The following BCKDHA variants were observed in gnomAD, a reference collection of about 807,000 sequenced individuals.
BCKDHA encodes the protein branched chain keto acid dehydrogenase E1 subunit alpha, also known as 2-oxoisovalerate dehydrogenase subunit alpha, mitochondrial.
BCKDHA carries 43 observed loss-of-function variants against 52.2 expected under a neutral mutation model. The ratio of observed to expected loss-of-function variants is 0.82; its 90% CI spans 0.64 to 1.06. The LOEUF (loss-of-function observed/expected upper bound fraction) is 1.06. Among genes scored for constraint, BCKDHA ranks in the 50% least tolerant of loss-of-function variants. The pLI is 0.00. For missense variants in BCKDHA, 527 were observed against 621.3 expected (o/e 0.85, Z 1.61); for synonymous variants, 234 against 247.9 (o/e 0.94, Z 0.53).
intron 1 of BCKDHA, among the ~76,000 whole-genome samples, chr19:41,409,798 ATTTTTTTT>A (rs10565264): frequency 9.2e-6 from 1 of 109,156 alleles, no homozygotes; most frequent in African/African-American, 3.7e-5. Context: ...CCTCTAAGGG[ATTTTTTTT>A]TTTTTTTTTT....
At chr19:41,423,238 TG>T in intron 8 of BCKDHA, 69 bp downstream of exon 8, 1 of 1,542,226 alleles carries the variant, frequency 6.5e-7, no homozygotes, top group Non-Finnish European at 8.7e-7. Context: ...GAAGGATTTG[TG>T]GAACACCGAA....
chr19:41,421,765 C>T (rs749595036), intron 5 of BCKDHA, among the ~76,000 whole-genome samples: 7 of 152,128 alleles, frequency 4.6e-5, no homozygotes, highest in Admixed American at 1.3e-4. Flanking sequence ...ATGGAATCCG[C>T]GGGCTGCCCT....
intron 3 of BCKDHA, among the ~76,000 whole-genome samples, chr19:41,412,441 G>C (rs2123257469): frequency 8.0e-6 from 1 of 124,500 alleles, no homozygotes; most frequent in Non-Finnish European, 1.7e-5. Flanking sequence ...AGGCTGGAGT[G>C]CAATGGCACG....
intron 1 of BCKDHA, among the ~76,000 whole-genome samples, chr19:41,406,389 G>A (rs1323960388): frequency 6.6e-6 from 1 of 151,962 alleles, no homozygotes; most frequent in Non-Finnish European, 1.5e-5. Flanking sequence ...TATCTGCTGG[G>A]GCCACAGTTT....
chr19:41,419,090 C>T, intron 4 of BCKDHA, 45 bp from the exon 5 acceptor site: 7 of 1,611,650 alleles, frequency 4.3e-6, no homozygotes, highest in Middle Eastern at 1.7e-4. Context: ...TGAACTGTCC[C>T]CCTGTACTGC....
At chr19:41,420,497 G>C (rs2039352670) in intron 5 of BCKDHA, among the ~76,000 whole-genome samples, 1 of 152,180 alleles carries the variant, frequency 6.6e-6, no homozygotes. Context: ...TACTCAGGAG[G>C]CTGAAGCAGG....
intron 5 of BCKDHA, among the ~76,000 whole-genome samples, chr19:41,419,689 G>A (rs142397112): frequency 0.033 from 4,717 of 144,070 alleles, 233 homozygotes; most frequent in African/African-American, 0.11. Flanking sequence ...TGATCCACCC[G>A]CCTCAGCCTC....
Position 41,424,588 on chromosome 19 carries a change from C to T in BCKDHA, c.1318C>T (p.Leu440=), listed in dbSNP as rs1196495084. The T allele has an allele frequency of 6.2e-7, 1 of 1,609,610 alleles. No individual in the cohort carries two copies. Among genetic ancestry groups the T allele is most frequent in the African/African-American group, 1.3e-5 (1 of 74,968 alleles). ...GCAGACCTACGGGGAGCACTACCCA[C>T]TGGATCACTTCGATAAGTGAGACCT... is the stretch of plus-strand genomic sequence containing the variant. The part of the protein sequence containing the change: ...HLQTYGEHYP[L]DHFDK Residue 440 remains leucine (L), a synonymous_variant, in exon 9 of 9, where the codon CTG becomes TTG. Coordinates refer to ENST00000269980, the MANE Select transcript of BCKDHA (RefSeq NM_000709.4).
intron 4 of BCKDHA, among the ~76,000 whole-genome samples, chr19:41,415,822 G>A (rs571666465): frequency 2.0e-5 from 1 of 49,886 alleles, no homozygotes; most frequent in African/African-American, 8.9e-5. Context: ...CTAATTTTTT[G>A]TATTTTTAGT....
intron 8 of BCKDHA, 51 bp from the exon 9 acceptor site, chr19:41,424,387 G>T (rs759101151): frequency 6.2e-7 from 1 of 1,607,080 alleles, no homozygotes; most frequent in South Asian, 1.1e-5. Flanking sequence ...GAGGAAGCAG[G>T]GTCCTGCATG....
chr19:41,400,995 G>GAGC (rs771079178), intron 1 of BCKDHA, among the ~76,000 whole-genome samples: 3 of 152,132 alleles, frequency 2.0e-5, no homozygotes, highest in Non-Finnish European at 4.4e-5. Context: ...CTAGGTGACA[G>GAGC]AGCAGCCCTC....
Position 41,423,134 on chromosome 19 carries a change from C to A in BCKDHA, c.1132C>A (p.Gln378Lys). ...GAGCCAAGGCTGGTGGGATGAGGAG[C>A]AGGAGAAGGCCTGGAGGAAGCAGTC... is the stretch of plus-strand genomic sequence containing the variant. ...LLSQGWWDEE[Q>K]EKAWRKQSRR... The change falls in exon 8 of 9, where the codon CAG (glutamine) becomes AAG (lysine). Residue 378 changes from glutamine (Q) to lysine (K), a missense_variant. Coordinates refer to ENST00000269980, the MANE Select transcript of BCKDHA (RefSeq NM_000709.4). 6.4e-7 allele frequency: 1 copy of A among 1,559,020 alleles called. No homozygotes were observed. The highest frequency in any genetic ancestry group is 8.7e-7 in the Non-Finnish European group (1 of 1,151,474).
rs1568508232 is a variant in BCKDHA at position 41,422,657 on chromosome 19, G to A, written c.882G>A (p.Met294Ile). The change falls in exon 7 of 9, where the codon ATG becomes ATA. Residue 294 changes from methionine (M) to isoleucine (I), a missense_variant. Transcript: ENST00000269980. The part of the protein sequence containing the change: ...IAARGPGYGI[M>I]SIRVDGNDVF... ...CACGAGGCCCCGGGTATGGCATCAT[G>A]TCAATCCGCGTGGATGGTAATGATG... 6.2e-7 allele frequency: 1 copy of A among 1,614,018 alleles called. No individual in the cohort carries two copies. Among genetic ancestry groups the A allele is most frequent in the African/African-American group, 1.3e-5 (1 of 74,896 alleles).
At position 41,407,980 on chromosome 19, in the gene BCKDHA, G is replaced by A. The variant is rs181066914; in HGVS notation, c.109-2657G>A. On this transcript the variant is annotated intron_variant, in intron 1 of 8. Coordinates refer to ENST00000269980, the MANE Select transcript of BCKDHA (RefSeq NM_000709.4). ...TTTTTTTTTTTTTTTTTTTGAGACAGGGTCTCACTTTGTCCCCCAGGCTGG... is the reference window on the plus strand; with the variant it reads ...TTTTTTTTTTTTTTTTTTTGAGACAAGGTCTCACTTTGTCCCCCAGGCTGG... Among the ~76,000 whole-genome samples the A allele has an allele frequency of 1.5e-3, 215 of 140,368 alleles. 1 individual carries two copies. The highest frequency in any genetic ancestry group is 5.4e-3 in the African/African-American group (206 of 38,160). The allele number at this position is 140,368 out of a possible 152,430, so 92.1% of individuals were successfully genotyped here. A position where few individuals can be genotyped will look rare whatever the true frequency, so the allele number is the denominator to read the frequency against.
chr19:41,419,040 C>T, intron 4 of BCKDHA, 95 bp from the exon 5 acceptor site: 1 of 1,466,014 alleles, frequency 6.8e-7, no homozygotes, highest in Non-Finnish European at 9.5e-7. Context: ...CCTGAGCTTT[C>T]CTGTCTGCCT....
chr19:41,421,145 T>C (rs1356239989), intron 5 of BCKDHA, among the ~76,000 whole-genome samples: 2 of 152,088 alleles, frequency 1.3e-5, no homozygotes, highest in Non-Finnish European at 2.9e-5. Context: ...GGTAATAGGG[T>C]TTCCACAAGG....
At chr19:41,407,950 A>ATTTT (rs144717663) in intron 1 of BCKDHA, among the ~76,000 whole-genome samples, 2 of 124,474 alleles carry the variant, frequency 1.6e-5, no homozygotes, top group Non-Finnish European at 1.7e-5. Flanking sequence ...TTCTGATGTA[A>ATTTT]TTTTTTTTTT....
At chr19:41,407,741 G>A (rs1226762333) in intron 1 of BCKDHA, among the ~76,000 whole-genome samples, 2 of 152,180 alleles carry the variant, frequency 1.3e-5, no homozygotes, top group Non-Finnish European at 1.5e-5. Flanking sequence ...ATTTGAGCAC[G>A]CATGTGTGAG....
intron 1 of BCKDHA, among the ~76,000 whole-genome samples, chr19:41,405,524 C>T (rs8102338): frequency 0.034 from 5,158 of 152,020 alleles, 282 homozygotes; most frequent in African/African-American, 0.12. Context: ...AGCGATCCTC[C>T]CTCCTTGGCC....
Sources: allele counts gnomAD v4.1 joint callset (sites outside exome capture counted in the v4.1 genomes callset), GRCh38; gene constraint gnomAD v4.1.1; transcripts MANE v1.5; gene names NCBI Gene and HGNC (gene_info 2026-07-23, HGNC 2026-07-21).